Variants in SCML1 observed in about 807,000 individuals in gnomAD.
SCML1 encodes sex comb on midleg-like protein 1.
For missense variants in SCML1, 137 were observed against 258.1 expected (o/e 0.53, Z 3.22); for synonymous variants, 104 against 103.6 (o/e 1.00, Z -0.02).
chrX:17,739,615 G>A (rs12353771), intron 1 of SCML1, among the ~76,000 whole-genome samples: 9 of 110,531 alleles, frequency 8.1e-5, no homozygotes, highest in African/African-American at 3.0e-4. Flanking sequence ...TTGGGAGGCC[G>A]AGGTGGGCAG....
chrX:17,747,917 C>G (rs1425179026), intron 4 of SCML1, among the ~76,000 whole-genome samples: 1 of 111,630 alleles, frequency 9.0e-6, no homozygotes. Context: ...AGTGGCTGGA[C>G]TGTAGTATTT....
intron 6 of SCML1, 29 bp downstream of exon 6, chrX:17,750,322 G>T: frequency 8.5e-7 from 1 of 1,171,344 alleles, no homozygotes; most frequent in Non-Finnish European, 1.1e-6. Flanking sequence ...AGCCCAATTT[G>T]GTACATGCCC....
intron 1 of SCML1, chrX:17,738,053 T>A (rs191685884): frequency 8.9e-6 from 1 of 112,586 alleles, no homozygotes; most frequent in East Asian, 2.8e-4. Flanking sequence ...AACTCCCGAG[T>A]TGATTTCCTG....
chrX:17,740,803 C>T lies in SCML1; in HGVS notation c.-117+3123C>T, dbSNP rs775151022. ...TTGAAGTTGAATAGATTCTCCTAGG[C>T]GGAGACACAACAGGGTATTATGGAC... On this transcript the variant is annotated intron_variant, in intron 1 of 7. Transcript: ENST00000380041. 5.3e-5 allele frequency among the ~76,000 whole-genome samples: 6 copies of T among 112,214 alleles called. No individual in the cohort carries two copies. The South Asian group carries it at 1.1e-3, about 21-fold the overall frequency.
chrX:17,750,041 C>A lies in SCML1; in HGVS notation c.451C>A (p.Pro151Thr). ...LPVSRRENNSPSNLPRPSFCM... is the reference protein window; with the variant it reads ...LPVSRRENNSTSNLPRPSFCM... ...AGTGTCAAGGCGTGAGAATAATTCC[C>A]CGAGCAACCTTCCAAGGCCATCCTT... Residue 151 changes from proline (P) to threonine (T), a missense_variant, in exon 6 of 8, where the codon CCG (proline) becomes ACG (threonine). Transcript: ENST00000380041. 4 of 1,211,858 alleles carry A rather than the reference C, an allele frequency of 3.3e-6. No individual in the cohort carries two copies. Among genetic ancestry groups the A allele is most frequent in the Non-Finnish European group, 4.5e-6 (4 of 895,501 alleles).
chrX:17,738,594 A>G (rs1209296625), intron 1 of SCML1, among the ~76,000 whole-genome samples: 1 of 111,061 alleles, frequency 9.0e-6, no homozygotes, highest in Non-Finnish European at 1.9e-5. Context: ...CTTAAAACAA[A>G]CAGAGCGTTT....
At chrX:17,749,712 T>C in intron 5 of SCML1, 182 bp from the exon 6 acceptor site, 1 of 518,544 alleles carries the variant, frequency 1.9e-6, no homozygotes. Flanking sequence ...TTTATGTTTG[T>C]AATTATAATG....
At chrX:17,749,658 A>C (rs1448030601) in intron 5 of SCML1, 154 bp downstream of exon 5, 1 of 487,757 alleles carries the variant, frequency 2.1e-6, no homozygotes, top group Non-Finnish European at 3.4e-6. Context: ...CTCTGTTGGG[A>C]GAACGCTGAA....
chrX:17,745,922 AC>A, intron 3 of SCML1, 95 bp from the exon 4 acceptor site: 1 of 458,002 alleles, frequency 2.2e-6, no homozygotes, highest in East Asian at 3.9e-5. Context: ...ATAAATAAAA[AC>A]AATTTAAATA....
At chrX:17,748,443 C>T (rs754905649) in intron 4 of SCML1, among the ~76,000 whole-genome samples, 4 of 111,798 alleles carry the variant, frequency 3.6e-5, no homozygotes, top group South Asian at 7.5e-4. Flanking sequence ...TGAGCTCAAG[C>T]GATTCACCTG....
At chrX:17,746,984 G>A (rs1311835719) in intron 4 of SCML1, among the ~76,000 whole-genome samples, 1 of 112,208 alleles carries the variant, frequency 8.9e-6, no homozygotes, top group African/African-American at 3.2e-5. Flanking sequence ...CACAGAGGTG[G>A]CACTCCAGCC....
chrX:17,738,448 C>T (rs752544809), intron 1 of SCML1, among the ~76,000 whole-genome samples: 4 of 112,666 alleles, frequency 3.6e-5, no homozygotes, highest in African/African-American at 3.2e-5. Flanking sequence ...TTTTCTAAAG[C>T]GGGGCGTGGG....
Position 17,753,267 on chromosome X carries a change from G to T in SCML1, c.865G>T (p.Gly289Trp). Residue 289 changes from glycine to tryptophan, a missense_variant, in exon 8 of 8, where the codon GGG (glycine) becomes TGG (tryptophan). Gly to Trp is a radical substitution (Grantham distance 184). Transcript: ENST00000380041. ...VDLFRSHEID[G>W]KALLLLTSDV... ...TTTCTTCTCTCCATAGGAAATTGAC[G>T]GGAAGGCTCTGCTCCTACTCACGAG... is the stretch of plus-strand genomic sequence containing the variant. The T allele has an allele frequency of 8.8e-7, 1 of 1,139,428 alleles. No individual in the cohort carries two copies. The highest frequency in any genetic ancestry group is 2.2e-5 in the South Asian group (1 of 44,754). 93.9% of individuals were successfully genotyped at this position (1,139,428 alleles called of 1,213,427 possible).
At chrX:17,749,554 TA>T (rs771855272) in intron 5 of SCML1, 50 bp downstream of exon 5, 1 of 793,690 alleles carries the variant, frequency 1.3e-6, no homozygotes, top group South Asian at 2.5e-5. Flanking sequence ...CTCTGGTTTG[TA>T]AAGATGCCAA....
At chrX:17,745,714 C>T in intron 3 of SCML1, 175 bp downstream of exon 3, 1 of 389,952 alleles carries the variant, frequency 2.6e-6, no homozygotes, top group Non-Finnish European at 4.5e-6. Flanking sequence ...TTACTTTCCC[C>T]TTTTTCTTAT....
intron 7 of SCML1, among the ~76,000 whole-genome samples, chrX:17,752,900 G>GT (rs2066726707): frequency 9.0e-6 from 1 of 111,090 alleles, no homozygotes; most frequent in African/African-American, 3.3e-5. Context: ...GAAAGTTAAT[G>GT]AACATCTGAA....
Position 17,751,719 on chromosome X carries a change from G to A in SCML1, c.704-96G>A. 5.3e-6 allele frequency: 5 copies of A among 934,715 alleles called. No homozygotes were observed. In the South Asian group the frequency reaches 1.2e-4, roughly 22 times the overall value. 77.0% of individuals were successfully genotyped at this position (934,715 alleles called of 1,213,427 possible). A position where few individuals can be genotyped will look rare whatever the true frequency, so the allele number is the denominator to read the frequency against. ...GAACATCACAGAAGGTTCCAACAAA[G>A]AGAGCATTCCTCCTTACCTAACATC... On this transcript the variant is annotated intron_variant, in intron 6 of 7. Transcript: ENST00000380041.
chrX:17,746,220 A>G, intron 4 of SCML1, 122 bp downstream of exon 4: 1 of 386,661 alleles, frequency 2.6e-6, no homozygotes, highest in Non-Finnish European at 4.6e-6. Flanking sequence ...ATTTATGATT[A>G]TCATCCCATT....
chrX:17,747,976 C>A (rs757994146), intron 4 of SCML1, among the ~76,000 whole-genome samples: 3 of 111,145 alleles, frequency 2.7e-5, no homozygotes, highest in Admixed American at 9.6e-5. Flanking sequence ...CTCAGTGCCG[C>A]AGCCCTGTGG....
Sources: gnomAD v4.1 joint callset for allele counts (sites outside exome capture counted in the v4.1 genomes callset) on GRCh38, gnomAD v4.1.1 for gene constraint, MANE v1.5 for transcripts, NCBI Gene and HGNC (gene_info 2026-07-23, HGNC 2026-07-21) for gene names.